ITGA3: variants seen among roughly 807,000 people sequenced by gnomAD.
The protein encoded by ITGA3 is integrin alpha-3.
In ITGA3, 70 loss-of-function variants were observed where a neutral mutation model predicts 131.1. The ratio of observed to expected loss-of-function variants is 0.53; its 90% CI spans 0.44 to 0.65. ITGA3 has a LOEUF of 0.65. Ranked by LOEUF, ITGA3 falls within the 30% of genes least tolerant of loss-of-function variation. The probability of loss-of-function intolerance (pLI) is 0.00; values close to 1 mark genes in which losing one functional copy is unlikely to be tolerated. For synonymous variants in ITGA3, 537 were observed against 571.6 expected, an observed-to-expected ratio of 0.94 and a Z score of 0.86; for missense variants, 1,098 against 1,388.6, an observed-to-expected ratio of 0.79 and a Z score of 3.33.
intron 4 of ITGA3, among the ~76,000 whole-genome samples, chr17:50,069,734 T>C (rs1340827840): frequency 1.3e-5 from 2 of 152,332 alleles, no homozygotes; most frequent in South Asian, 2.1e-4. Context: ...TTTTTCATGT[T>C]GATATATATA....
chr17:50,088,122 G>GC, intron 24 of ITGA3, 103 bp from the exon 25 acceptor site: 1 of 1,432,662 alleles, frequency 7.0e-7, no homozygotes, highest in Non-Finnish European at 9.3e-7. Context: ...CTGAGCCCCA[G>GC]CCCCCAGGCT....
chr17:50,078,288 G>A lies in ITGA3; in HGVS notation c.2297+4G>A, dbSNP rs56093503. 4.9e-4 allele frequency: 790 copies of A among 1,611,618 alleles called. 2 individuals are homozygous for A. Among genetic ancestry groups the A allele is most frequent in the Non-Finnish European group, 1.9e-4 (220 of 1,178,220 alleles). ...CACTCCAGACCTCGCTTAGCATGTG[G>A]GTACCGCTCTCCACCACCCCCACCC... On this transcript the variant is annotated splice_donor_region_variant and intron_variant, in intron 18 of 25. Transcript: ENST00000320031.
chr17:50,059,450 G>A (rs930794493), intron 1 of ITGA3, among the ~76,000 whole-genome samples: 1 of 152,200 alleles, frequency 6.6e-6, no homozygotes, highest in Non-Finnish European at 1.5e-5. Flanking sequence ...ATGAGGTCAT[G>A]CCTGAGGTAC....
intron 3 of ITGA3, chr17:50,065,543 T>C (rs966217814): frequency 1.3e-5 from 2 of 152,234 alleles, no homozygotes; most frequent in African/African-American, 2.4e-5. Context: ...TCTTAGAATG[T>C]GTTGCTTTGA....
At chr17:50,078,761 C>A (rs1221996284) in intron 18 of ITGA3, 63 bp from the exon 19 acceptor site, 26 of 942,286 alleles carry the variant, frequency 2.8e-5, no homozygotes, top group Non-Finnish European at 3.9e-5. Flanking sequence ...TTGGTGCCCA[C>A]CCCCCTCTGC....
Position 50,080,219 on chromosome 17 carries a change from A to G in ITGA3, c.2707-43A>G, listed in dbSNP as rs748897161. On this transcript the variant is annotated intron_variant, in intron 21 of 25. Coordinates refer to ENST00000320031, the MANE Select transcript of ITGA3 (RefSeq NM_002204.4). ...AAGGAGCAAGGCATGAAGAATCTGGAGACTCAGACTATGTCACGTCTTGCG... is the reference window on the plus strand; with the variant it reads ...AAGGAGCAAGGCATGAAGAATCTGGGGACTCAGACTATGTCACGTCTTGCG... 3.1e-5 allele frequency: 37 copies of G among 1,190,238 alleles called. No homozygotes were observed. The South Asian group carries it at 3.6e-4, about 11-fold the overall frequency. 73.7% of individuals were successfully genotyped at this position (1,190,238 alleles called of 1,614,324 possible). A position where few individuals can be genotyped will look rare whatever the true frequency, so the allele number is the denominator to read the frequency against.
chr17:50,087,706 G>C (rs779146642), intron 23 of ITGA3, 38 bp from the exon 24 acceptor site: 14 of 1,593,436 alleles, frequency 8.8e-6, no homozygotes, highest in Non-Finnish European at 1.1e-5. Flanking sequence ...GGCCTAAGCA[G>C]GCTGACACAG....
rs756131088 is a variant in ITGA3, at chr17:50,077,138, C to G, written c.2070+17C>G. The G allele has an allele frequency of 1.3e-6, 2 of 1,525,244 alleles. No individual in the cohort carries two copies. The highest frequency in any genetic ancestry group is 2.4e-5 in the South Asian group (2 of 82,402). The allele number at this position is 1,525,244 out of a possible 1,614,324, so 94.5% of individuals were successfully genotyped here. Reference sequence around the variant, plus strand: ...GTGCGCCCCGTGAGTGCCCGCCGGCCGGCTCAGAGCCCAAGCAGGGCTCCC... The same window carrying G: ...GTGCGCCCCGTGAGTGCCCGCCGGCGGGCTCAGAGCCCAAGCAGGGCTCCC... On this transcript the variant is annotated intron_variant, in intron 15 of 25. Transcript: ENST00000320031.
intron 7 of ITGA3, among the ~76,000 whole-genome samples, chr17:50,072,433 A>G (rs1327549338): frequency 2.0e-5 from 3 of 151,606 alleles, no homozygotes; most frequent in Non-Finnish European, 4.4e-5. Flanking sequence ...CTGGGCTGAG[A>G]GTGCACAGTA....
In ITGA3 at chr17:50,056,444, G is replaced by T. The variant is rs1255855203; in HGVS notation, c.5G>T (p.Gly2Val). 1.3e-6 allele frequency: 2 copies of T among 1,526,596 alleles called. No homozygotes were observed. The highest frequency in any genetic ancestry group is 2.8e-5 in the African/African-American group (2 of 70,660). The allele number at this position is 1,526,596 out of a possible 1,614,324, so 94.6% of individuals were successfully genotyped here. A position where few individuals can be genotyped will look rare whatever the true frequency, so the allele number is the denominator to read the frequency against. The stretch of plus-strand genomic sequence containing the variant: ...ACCCCGCTTCCGCTGGCAGCCATGG[G>T]CCCCGGCCCCAGCCGCGCGCCCCGC... M[G>V]PGPSRAPRAP... Residue 2 changes from glycine (G) to valine (V), a missense_variant, in exon 1 of 26, where the codon GGC (glycine) becomes GTC (valine). This residue lies in a region of ITGA3 where 43 missense variants were observed against 30.3 expected (regional missense o/e 1.42). Transcript: ENST00000320031. The surrounding 1 kb of genome is among the most constrained non-coding windows in gnomAD (Gnocchi z 5.6).
intron 1 of ITGA3, among the ~76,000 whole-genome samples, chr17:50,060,149 G>A (rs1908009393): frequency 6.6e-6 from 1 of 152,182 alleles, no homozygotes; most frequent in African/African-American, 2.4e-5. Context: ...GGTGGAGCAG[G>A]CACCCTCCCC....
At position 50,070,945 on chromosome 17, in the gene ITGA3, G is replaced by A; in HGVS notation, c.751+15G>A. The stretch of plus-strand genomic sequence containing the variant: ...CCTCTATATTGGTGAGTACAGTAGT[G>A]GTAGCCCATCAAGTGGTAGAGGGGA... On this transcript the variant is annotated intron_variant, in intron 5 of 25. Transcript: ENST00000320031. 6.6e-7 allele frequency: 1 copy of A among 1,505,294 alleles called. No individual in the cohort carries two copies. Among genetic ancestry groups the A allele is most frequent in the African/African-American group, 1.4e-5 (1 of 72,856 alleles). The allele number at this position is 1,505,294 out of a possible 1,614,324, so 93.2% of individuals were successfully genotyped here.
chr17:50,077,524 TCTGC>T, intron 16 of ITGA3, 77 bp downstream of exon 16: 1 of 1,137,430 alleles, frequency 8.8e-7, no homozygotes, highest in Non-Finnish European at 1.3e-6. Context: ...CCTTCCAGCC[TCTGC>T]CTGCCTGCTT....
chr17:50,079,080 G>A lies in ITGA3; in HGVS notation c.2405G>A (p.Gly802Asp). The A allele has an allele frequency of 6.2e-7, 1 of 1,613,526 alleles. No homozygotes were observed. The highest frequency in any genetic ancestry group is 8.5e-7 in the Non-Finnish European group (1 of 1,179,750). The change falls in exon 20 of 26, where the codon GGC (glycine) becomes GAC (aspartate). Residue 802 changes from glycine (G) to aspartate (D), a missense_variant. Transcript: ENST00000320031. ...GSPLKYEFQV[G>D]PMGEGLVGLG... ...TGACACATCTTGTGCCCACAGGTGG[G>A]CCCAATGGGGGAGGGGCTGGTGGGC...
rs1159926100 is a variant in ITGA3 at position 50,075,586 on chromosome 17, T to C, written c.1538-13T>C. 2 of 1,614,226 alleles carry C rather than the reference T, an allele frequency of 1.2e-6. No homozygotes were observed. Among genetic ancestry groups the C allele is most frequent in the Admixed American group, 1.7e-5 (1 of 60,036 alleles). On this transcript the variant is annotated splice_polypyrimidine_tract_variant and intron_variant, in intron 11 of 25. Coordinates refer to ENST00000320031, the MANE Select transcript of ITGA3 (RefSeq NM_002204.4). Reference sequence around the variant, plus strand: ...TCCCCTGTCCCCTTGCTGACCACCCTGTCTACCTGTAGCCCTGGCCTACAC... The same window carrying C: ...TCCCCTGTCCCCTTGCTGACCACCCCGTCTACCTGTAGCCCTGGCCTACAC...
intron 1 of ITGA3, among the ~76,000 whole-genome samples, chr17:50,058,706 C>T (rs1345404250): frequency 2.6e-5 from 4 of 152,218 alleles, no homozygotes; most frequent in African/African-American, 4.8e-5. Context: ...TCACTAAATT[C>T]GACCCCTCGG....
Position 50,079,427 on chromosome 17 carries a change from C to T in ITGA3, c.2584-8C>T, listed in dbSNP as rs1228233330. On this transcript the variant is annotated splice_region_variant and splice_polypyrimidine_tract_variant and intron_variant, in intron 20 of 25. Coordinates refer to ENST00000320031, the MANE Select transcript of ITGA3 (RefSeq NM_002204.4). Reference sequence around the variant, plus strand: ...GCCCTGCCAGCAAATCTCCTATTTCCTCTCCAGGACCCTGGGGACAGGCCA... The same window carrying T: ...GCCCTGCCAGCAAATCTCCTATTTCTTCTCCAGGACCCTGGGGACAGGCCA... 3 of 1,549,810 alleles carry T rather than the reference C, an allele frequency of 1.9e-6. No homozygotes were observed. Among genetic ancestry groups the T allele is most frequent in the Non-Finnish European group, 1.7e-6 (2 of 1,147,642 alleles).
At chr17:50,058,652 G>A (rs1408231132) in intron 1 of ITGA3, among the ~76,000 whole-genome samples, 1 of 152,240 alleles carries the variant, frequency 6.6e-6, no homozygotes, top group African/African-American at 2.4e-5. Context: ...AGTATCCTCA[G>A]TCTTTCCTAA....
At chr17:50,075,308 C>A in intron 10 of ITGA3, 151 bp from the exon 11 acceptor site, 1 of 719,072 alleles carries the variant, frequency 1.4e-6, no homozygotes, top group Non-Finnish European at 2.5e-6. Context: ...GGGTCAGGGA[C>A]ACCACAGACC....
Sources: allele counts gnomAD v4.1 joint callset (sites outside exome capture counted in the v4.1 genomes callset), GRCh38; gene constraint gnomAD v4.1.1; regional missense constraint gnomAD v4.1.1; non-coding constraint Gnocchi (gnomAD v3.1); transcripts MANE v1.5; gene names NCBI Gene and HGNC (gene_info 2026-07-23, HGNC 2026-07-21).